Variants in IHO1 observed in about 807,000 individuals in gnomAD.
IHO1 encodes interactor of HORMAD1 1.
IHO1 carries 13 observed loss-of-function variants against 31.0 expected under a neutral mutation model. That is an observed-to-expected ratio of 0.42 (90% CI 0.27 to 0.67). The LOEUF (loss-of-function observed/expected upper bound fraction) is 0.67. IHO1 is among the 30% of genes least tolerant of loss of function. The probability of loss-of-function intolerance (pLI) is 0.24; values close to 1 mark genes in which losing one functional copy is unlikely to be tolerated. For synonymous variants in IHO1, 221 were observed against 248.4 expected, an observed-to-expected ratio of 0.89 and a Z score of 1.04; for missense variants, 599 against 687.5, an observed-to-expected ratio of 0.87 and a Z score of 1.44.
chr3:49,229,869 T>G (rs1483393714), intron 2 of IHO1, among the ~76,000 whole-genome samples: 1 of 152,200 alleles, frequency 6.6e-6, no homozygotes, highest in East Asian at 1.9e-4. Context: ...GGGAAGAGAT[T>G]TATTACAACG....
chr3:49,219,158 A>G (rs2107696413), intron 2 of IHO1, among the ~76,000 whole-genome samples: 1 of 152,290 alleles, frequency 6.6e-6, no homozygotes, highest in South Asian at 2.1e-4. Flanking sequence ...ACAGGCCCCC[A>G]AGTCTGGCCA....
chr3:49,220,384 C>T (rs996680208), intron 2 of IHO1, among the ~76,000 whole-genome samples: 8 of 152,172 alleles, frequency 5.3e-5, no homozygotes, highest in African/African-American at 1.4e-4. Flanking sequence ...TTCTTGGTCT[C>T]GCTGACTTCA....
rs535576577 is a variant in IHO1, at chr3:49,250,652, C to G, written c.533-4738C>G. ...GGGTTTAGGAGCAGGAATCCAATAC[C>G]TAAGTAAATAGCCTCTTTCTAATTG... On this transcript the variant is annotated intron_variant, in intron 6 of 7. Coordinates refer to ENST00000452691, the MANE Select transcript of IHO1 (RefSeq NM_001135197.2). 4.1e-4 allele frequency among the ~76,000 whole-genome samples: 62 copies of G among 152,266 alleles called. No individual in the cohort carries two copies. In the South Asian group the frequency reaches 0.012, roughly 29 times the overall value.
chr3:49,252,898 T>C (rs948535782), intron 6 of IHO1, among the ~76,000 whole-genome samples: 9 of 151,940 alleles, frequency 5.9e-5, no homozygotes, highest in Admixed American at 4.6e-4. Flanking sequence ...AAAAATTAGC[T>C]GGGCATGGTG....
intron 2 of IHO1, among the ~76,000 whole-genome samples, chr3:49,224,363 T>C (rs1440442718): frequency 3.9e-5 from 6 of 152,234 alleles, no homozygotes; most frequent in Non-Finnish European, 7.3e-5. Context: ...ACCTTTCTGA[T>C]GGCTTTGGCA....
Position 49,256,296 on chromosome 3 carries a change from A to G in IHO1, c.799A>G (p.Lys267Glu). ...GAGATTGATCTCAGTGCCTCCAGTG[A>G]AAGACAGTGCTTCTCAGACGTCGCC... ...LKRLISVPPV[K>E]DSASQTSPPL... The change falls in exon 8 of 8, where the codon AAA becomes GAA. Residue 267 changes from lysine to glutamate, a missense_variant. Physicochemically the swap from Lys to Glu is moderately conservative, Grantham distance 56. Transcript: ENST00000452691. The surrounding 1 kb of genome is among the most constrained non-coding windows in gnomAD (Gnocchi z 4.6). 6.2e-7 allele frequency: 1 copy of G among 1,614,166 alleles called. No homozygotes were observed. Among genetic ancestry groups the G allele is most frequent in the Non-Finnish European group, 8.5e-7 (1 of 1,180,032 alleles).
chr3:49,191,806 C>G, the IHO1 span: 1 of 1,538,852 alleles, frequency 6.5e-7, no homozygotes, highest in Non-Finnish European at 8.7e-7. Context: ...GCAAACTTTC[C>G]TCTTGTCTTT....
Position 49,236,551 on chromosome 3 carries a change from CAAG to C in IHO1, c.64_66del (p.Lys22del), listed in dbSNP as rs1559447910. The C allele has an allele frequency of 6.2e-7, 1 of 1,603,120 alleles. No individual in the cohort carries two copies. The highest frequency in any genetic ancestry group is 1.1e-5 in the South Asian group (1 of 90,162). ...ACTTTTTTTTGCTAAATTTCAGGAA[CAAG>C]AAGTCATCCAACTGGAATAATAATC... On this transcript the variant is annotated inframe_deletion, in exon 3 of 8. Coordinates refer to ENST00000452691, the MANE Select transcript of IHO1 (RefSeq NM_001135197.2).
At chr3:49,204,764 C>T (rs2046114146) in intron 1 of IHO1, among the ~76,000 whole-genome samples, 1 of 152,112 alleles carries the variant, frequency 6.6e-6, no homozygotes, top group African/African-American at 2.4e-5. Flanking sequence ...GTGGCTCACG[C>T]CTGTAATCCC....
At chr3:49,230,181 A>G (rs960720872) in intron 2 of IHO1, among the ~76,000 whole-genome samples, 1 of 152,214 alleles carries the variant, frequency 6.6e-6, no homozygotes, top group Non-Finnish European at 1.5e-5. Flanking sequence ...CTTACTGAAC[A>G]ATTAGAAAAA....
chr3:49,229,607 A>T (rs1268238244), intron 2 of IHO1, among the ~76,000 whole-genome samples: 2 of 152,212 alleles, frequency 1.3e-5, no homozygotes, highest in African/African-American at 4.8e-5. Flanking sequence ...ATTACTGATA[A>T]ACATCATACC....
At chr3:49,215,751 T>C (rs1336825632) in intron 2 of IHO1, among the ~76,000 whole-genome samples, 1 of 152,136 alleles carries the variant, frequency 6.6e-6, no homozygotes, top group Non-Finnish European at 1.5e-5. Flanking sequence ...AAACAAGAAC[T>C]AGGGAGGGGC....
intron 2 of IHO1, among the ~76,000 whole-genome samples, chr3:49,212,794 C>A (rs993186453): frequency 1.3e-5 from 2 of 152,102 alleles, no homozygotes; most frequent in Non-Finnish European, 2.9e-5. Flanking sequence ...AAAGGCAGTG[C>A]GGACCCAAAG....
intron 6 of IHO1, among the ~76,000 whole-genome samples, chr3:49,250,786 C>T (rs1310055146): frequency 2.6e-5 from 4 of 152,112 alleles, no homozygotes; most frequent in African/African-American, 7.2e-5. Context: ...AATCCCAGCA[C>T]TTTGGGAGGC....
intron 7 of IHO1, 57 bp downstream of exon 7, chr3:49,255,550 G>C: frequency 1.0e-5 from 8 of 788,944 alleles, no homozygotes; most frequent in Non-Finnish European, 1.5e-5. Flanking sequence ...ACTAGACCCA[G>C]AGAGAAACTT....
upstream of IHO1, among the ~76,000 whole-genome samples, chr3:49,194,716 C>T (rs917982075): frequency 9.7e-5 from 14 of 143,804 alleles, no homozygotes; most frequent in South Asian, 2.2e-4. Flanking sequence ...GGCAACATGG[C>T]GAAACCCCAT....
chr3:49,197,577 T>A (rs1344642946), upstream of IHO1, among the ~76,000 whole-genome samples: 1 of 152,084 alleles, frequency 6.6e-6, no homozygotes, highest in Non-Finnish European at 1.5e-5. Context: ...AACACTGCCA[T>A]CAAGAGAGTA....
At chr3:49,239,562 G>T (rs1032523134) in intron 3 of IHO1, among the ~76,000 whole-genome samples, 1 of 151,958 alleles carries the variant, frequency 6.6e-6, no homozygotes, top group African/African-American at 2.4e-5. Context: ...TTACAGGCGT[G>T]AGCCCCCGTG....
upstream of IHO1, among the ~76,000 whole-genome samples, chr3:49,197,147 A>T (rs1409751997): frequency 1.4e-4 from 18 of 126,974 alleles, 1 homozygote; most frequent in South Asian, 4.0e-3. Context: ...CAGCCGGCTA[A>T]TTTTTTTTTT....
Sources: gnomAD v4.1 joint callset for allele counts (sites outside exome capture counted in the v4.1 genomes callset) on GRCh38, gnomAD v4.1.1 for gene constraint, Gnocchi (gnomAD v3.1) non-coding constraint, MANE v1.5 for transcripts, NCBI Gene and HGNC (gene_info 2026-07-23, HGNC 2026-07-21) for gene names.